Variants in RBFOX1 observed in about 807,000 individuals in gnomAD.
The protein encoded by RBFOX1 is RNA binding protein fox-1 homolog 1.
A neutral mutation model predicts 57.7 loss-of-function variants in RBFOX1; 8 were observed. The ratio of observed to expected loss-of-function variants is 0.14; its 90% CI spans 0.08 to 0.25. RBFOX1 has a LOEUF of 0.25. RBFOX1 is among the 10% of genes least tolerant of loss of function. The pLI, the probability that RBFOX1 is intolerant of heterozygous loss-of-function variation, is 1.00. For missense variants in RBFOX1, 611 were observed against 548.5 expected (o/e 1.11, Z -1.14); for synonymous variants, 326 against 222.4 (o/e 1.47, Z -4.15).
chr16:5,993,140 G>T (rs2060430394), intron 4 of RBFOX1, among the ~76,000 whole-genome samples: 1 of 152,116 alleles, frequency 6.6e-6, no homozygotes, highest in Non-Finnish European at 1.5e-5. Context: ...CCTCAAGGTT[G>T]AACCAGTGAC....
chr16:7,697,402 C>T (rs535060696), intron 14 of RBFOX1, among the ~76,000 whole-genome samples: 1 of 152,138 alleles, frequency 6.6e-6, no homozygotes, highest in African/African-American at 2.4e-5. Context: ...AAAGCAAACC[C>T]TTTATCCCTG....
intron 7 of RBFOX1, among the ~76,000 whole-genome samples, chr16:7,591,456 T>C (rs533123325): frequency 5.8e-4 from 89 of 152,196 alleles, no homozygotes; most frequent in Non-Finnish European, 9.4e-4. Context: ...CACCTAAAAA[T>C]ACAAAAGATG....
chr16:6,825,063 C>G (rs868596077), intron 3 of RBFOX1, among the ~76,000 whole-genome samples: 1 of 122,064 alleles, frequency 8.2e-6, no homozygotes, highest in African/African-American at 3.1e-5. Flanking sequence ...GTGGCATGAT[C>G]TTTGCTCACT....
intron 3 of RBFOX1, among the ~76,000 whole-genome samples, chr16:5,856,187 C>CTCTCTCTATATATATA (rs1430331422): frequency 3.2e-5 from 1 of 31,062 alleles, no homozygotes; most frequent in African/African-American, 1.4e-4. Flanking sequence ...CTCTCTCTCT[C>CTCTCTCTATATATATA]TATATATATA....
intron 4 of RBFOX1, among the ~76,000 whole-genome samples, chr16:7,362,534 G>A (rs1447799951): frequency 6.6e-6 from 1 of 151,976 alleles, no homozygotes; most frequent in Non-Finnish European, 1.5e-5. Flanking sequence ...ATGTGTGTCA[G>A]TGTGTAGATG....
Position 7,221,344 on chromosome 16 carries a change from A to ATTATTTAT in RBFOX1, c.27+169261_27+169268dup, listed in dbSNP as rs540158760. On this transcript the variant is annotated intron_variant, in intron 4 of 15. Transcript: ENST00000550418. ...CTTGTTTATTCTTTATTTTTATTTGATTATTTATTTATTTATTTATTTTTT... is the reference window on the plus strand; with the variant it reads ...CTTGTTTATTCTTTATTTTTATTTGATTATTTATTTATTTATTTATTTATTTATTTTTT... Among the ~76,000 whole-genome samples the ATTATTTAT allele has an allele frequency of 3.9e-4, 45 of 114,728 alleles. No homozygotes were observed. In the South Asian group the frequency reaches 5.6e-3, roughly 14 times the overall value. 75.3% of individuals were successfully genotyped at this position (114,728 alleles called of 152,430 possible). A position where few individuals can be genotyped will look rare whatever the true frequency, so the allele number is the denominator to read the frequency against.
intron 4 of RBFOX1, among the ~76,000 whole-genome samples, chr16:7,150,220 G>A (rs540767118): frequency 5.8e-4 from 89 of 152,236 alleles, no homozygotes; most frequent in African/African-American, 2.0e-3. Context: ...TTACCTATTG[G>A]CTGGCAACCA....
chr16:5,948,495 A>G (rs1263180039), intron 4 of RBFOX1, among the ~76,000 whole-genome samples: 3 of 152,166 alleles, frequency 2.0e-5, no homozygotes. Context: ...TGAAGATATA[A>G]TTAGTTAAGA....
chr16:7,347,683 G>A (rs774623946), intron 4 of RBFOX1, among the ~76,000 whole-genome samples: 13 of 152,154 alleles, frequency 8.5e-5, no homozygotes, highest in African/African-American at 2.9e-4. Flanking sequence ...GTCTCTGCAA[G>A]TCTTCATTCA....
At chr16:5,386,249 A>ATCTC (rs2066251913) in intron 1 of RBFOX1, among the ~76,000 whole-genome samples, 1 of 151,886 alleles carries the variant, frequency 6.6e-6, no homozygotes, top group South Asian at 2.1e-4. Flanking sequence ...ACTGGGCTTG[A>ATCTC]GAAGGCTGGG....
chr16:5,919,007 A>C (rs1052333846), intron 4 of RBFOX1, among the ~76,000 whole-genome samples: 3 of 152,224 alleles, frequency 2.0e-5, no homozygotes, highest in Admixed American at 6.5e-5. Flanking sequence ...GGCTGTGACC[A>C]TGGGATAATT....
intron 4 of RBFOX1, among the ~76,000 whole-genome samples, chr16:5,969,084 G>C (rs556973810): frequency 6.6e-6 from 1 of 151,708 alleles, no homozygotes; most frequent in South Asian, 2.1e-4. Context: ...TCATTTTTAT[G>C]CCTTTCTAAT....
chr16:6,676,181 C>CACA (rs1211306457), intron 3 of RBFOX1, among the ~76,000 whole-genome samples: 1 of 140,956 alleles, frequency 7.1e-6, no homozygotes, highest in African/African-American at 2.6e-5. Flanking sequence ...CACACACACA[C>CACA]TTCCCTAGGT....
At chr16:5,776,560 C>T (rs1052632126) in intron 3 of RBFOX1, among the ~76,000 whole-genome samples, 13 of 152,220 alleles carry the variant, frequency 8.5e-5, no homozygotes, top group Non-Finnish European at 1.8e-4. Flanking sequence ...GCACCACGTA[C>T]TGTGCTGAAC....
chr16:6,814,533 C>A (rs895257382), intron 3 of RBFOX1, among the ~76,000 whole-genome samples: 1 of 152,076 alleles, frequency 6.6e-6, no homozygotes, highest in East Asian at 1.9e-4. Flanking sequence ...TAATGACAAT[C>A]CTTAGTATGT....
At chr16:7,552,365 T>TC (rs1277617899) in intron 5 of RBFOX1, among the ~76,000 whole-genome samples, 2 of 152,174 alleles carry the variant, frequency 1.3e-5, no homozygotes, top group East Asian at 3.9e-4. Flanking sequence ...TCATTTTACA[T>TC]CTAGAGGCAA....
Position 7,405,154 on chromosome 16 carries a change from G to A in RBFOX1, c.28-112993G>A, listed in dbSNP as rs138125341. On this transcript the variant is annotated intron_variant, in intron 4 of 15. Transcript: ENST00000550418. Reference sequence around the variant, plus strand: ...AAAAATCTCCAGTGAGGCTGCAGTTGCAATTTATTTCCTCATTCTAGCAAG... The same window carrying A: ...AAAAATCTCCAGTGAGGCTGCAGTTACAATTTATTTCCTCATTCTAGCAAG... 3.4e-3 allele frequency among the ~76,000 whole-genome samples: 523 copies of A among 152,326 alleles called. 3 individuals carry two copies. Among genetic ancestry groups the A allele is most frequent in the African/African-American group, 0.012 (507 of 41,574 alleles).
intron 5 of RBFOX1, among the ~76,000 whole-genome samples, chr16:7,575,610 G>C (rs1217166995): frequency 6.6e-6 from 1 of 152,158 alleles, no homozygotes; most frequent in African/African-American, 2.4e-5. Flanking sequence ...AGAGCCTCTA[G>C]AGGAAGTGTG....
chr16:5,471,443 T>A (rs1221256831), intron 2 of RBFOX1, among the ~76,000 whole-genome samples: 1 of 152,180 alleles, frequency 6.6e-6, no homozygotes, highest in Non-Finnish European at 1.5e-5. Flanking sequence ...AGAGATGCTC[T>A]ATGAAACTAA....
Sources: gnomAD v4.1 joint callset for allele counts (sites outside exome capture counted in the v4.1 genomes callset) on GRCh38, gnomAD v4.1.1 for gene constraint, MANE v1.5 for transcripts, NCBI Gene and HGNC (gene_info 2026-07-23, HGNC 2026-07-21) for gene names.